Variants in RIF1 observed in about 807,000 individuals in gnomAD.
The protein encoded by RIF1 is replication timing regulatory factor 1, also known as telomere-associated protein RIF1.
RIF1 carries 45 observed loss-of-function variants against 247.1 expected under a neutral mutation model. The observed-to-expected ratio is 0.18, with a 90% CI of 0.14 to 0.23. The LOEUF is 0.23. RIF1 is among the 10% of genes least tolerant of loss of function. The probability of loss-of-function intolerance (pLI) is 1.00; values close to 1 mark genes in which losing one functional copy is unlikely to be tolerated. For synonymous variants in RIF1, 1,087 were observed against 978.8 expected (o/e 1.11, Z -2.06); for missense variants, 2,967 against 2,862.5 (o/e 1.04, Z -0.83).
chr2:151,456,153 T>C (rs566499083), intron 22 of RIF1, among the ~76,000 whole-genome samples: 6 of 152,356 alleles, frequency 3.9e-5, no homozygotes, highest in Non-Finnish European at 7.4e-5. Flanking sequence ...GAATATTCTT[T>C]ATAGCAAGCT....
At position 151,475,562 on chromosome 2, in the gene RIF1, AAG is replaced by A. The variant is rs1275845603; in HGVS notation, c.*493_*494del. 1 of 153,500 alleles carries A rather than the reference AAG, an allele frequency of 6.5e-6. No homozygotes were observed. Among genetic ancestry groups the A allele is most frequent in the Non-Finnish European group, 1.5e-5 (1 of 68,918 alleles). 9.5% of individuals were successfully genotyped at this position (153,500 alleles called of 1,614,324 possible). On this transcript the variant is annotated 3_prime_UTR_variant, in exon 36 of 36. Coordinates refer to ENST00000444746, the MANE Select transcript of RIF1 (RefSeq NM_018151.5). ...GTTAAAAACCTCAAATGAAATGCGA[AAG>A]AATTTGAATTTTTCCTGCATATGTC...
In RIF1 at chr2:151,465,078, A is replaced by G. The variant is rs777916816; in HGVS notation, c.5558A>G (p.Glu1853Gly). 1.9e-6 allele frequency: 3 copies of G among 1,601,582 alleles called. No homozygotes were observed. The highest frequency in any genetic ancestry group is 1.8e-5 in the Admixed American group (1 of 56,614). ...GAAGCAATGTCTCTTGAAAGCCAGGAGTCACCTAATGAAAATTTTAAAACT... is the reference window on the plus strand; with the variant it reads ...GAAGCAATGTCTCTTGAAAGCCAGGGGTCACCTAATGAAAATTTTAAAACT... ...SSEAMSLESQ[E>G]SPNENFKTVG... The change falls in exon 30 of 36, where the codon GAG becomes GGG. Residue 1853 changes from glutamate to glycine, a missense_variant. By Grantham distance (98) the Glu-to-Gly change is moderately conservative. Around this residue, in one of 7 missense-constraint regions of RIF1, gnomAD observed 2,028 missense variants for 1,825.6 expected, o/e 1.11. Transcript: ENST00000444746.
intron 20 of RIF1, 89 bp downstream of exon 20, chr2:151,446,664 A>G (rs1693322656): frequency 1.2e-5 from 15 of 1,216,854 alleles, no homozygotes; most frequent in Non-Finnish European, 1.7e-5. Context: ...ACTGTCACCT[A>G]TTACTGCCTC....
At chr2:151,451,138 A>T (rs1353372477) in intron 20 of RIF1, among the ~76,000 whole-genome samples, 2 of 152,192 alleles carry the variant, frequency 1.3e-5, no homozygotes, top group East Asian at 3.9e-4. Flanking sequence ...GCCTCATAAC[A>T]ATGTGTCAGT....
At chr2:151,438,184 G>A (rs1691596767) in intron 13 of RIF1, among the ~76,000 whole-genome samples, 1 of 152,132 alleles carries the variant, frequency 6.6e-6, no homozygotes, top group Non-Finnish European at 1.5e-5. Flanking sequence ...TTGTTTTAAG[G>A]AACACATTTA....
At chr2:151,446,735 C>T (rs897783869) in intron 20 of RIF1, among the ~76,000 whole-genome samples, 160 bp downstream of exon 20, 1 of 151,964 alleles carries the variant, frequency 6.6e-6, no homozygotes, top group Non-Finnish European at 1.5e-5. Flanking sequence ...AGTTTTGTGT[C>T]TTTGGGCTCT....
chr2:151,420,493 C>A (rs540531562), intron 7 of RIF1, 114 bp downstream of exon 7: 1 of 972,790 alleles, frequency 1.0e-6, no homozygotes, highest in Non-Finnish European at 1.5e-6. Flanking sequence ...AGTCCCAAAG[C>A]GGGAGGCTGA....
At chr2:151,473,906 A>C in intron 34 of RIF1, 58 bp from the exon 35 acceptor site, 1 of 872,312 alleles carries the variant, frequency 1.1e-6, no homozygotes, top group Non-Finnish European at 2.0e-6. Flanking sequence ...TTAAAAGTAA[A>C]GTTTCAATTT....
chr2:151,506,243 C>T, exon 13 of RIF1: 1 of 1,612,954 alleles, frequency 6.2e-7, no homozygotes, highest in Non-Finnish European at 8.5e-7. Context: ...GGTGAGACAT[C>T]CTCTTTATAT....
downstream of RIF1, among the ~76,000 whole-genome samples, chr2:151,509,860 G>A (rs888308327): frequency 6.6e-5 from 10 of 152,082 alleles, no homozygotes; most frequent in African/African-American, 1.7e-4. Context: ...CACCCACCTC[G>A]GTCTCCCAAA....
downstream of RIF1, among the ~76,000 whole-genome samples, chr2:151,484,296 T>C (rs889307948): frequency 2.0e-4 from 30 of 152,184 alleles, no homozygotes; most frequent in Non-Finnish European, 3.8e-4. Flanking sequence ...AATAGGAAAT[T>C]TAAAACTAAA....
intron 3 of RIF1, among the ~76,000 whole-genome samples, chr2:151,413,008 C>T (rs62169379): frequency 5.3e-5 from 8 of 150,366 alleles, no homozygotes; most frequent in South Asian, 4.2e-4. Context: ...CATGCACTTT[C>T]GTGTATTGAG....
chr2:151,511,712 G>A (rs574571582), downstream of RIF1, among the ~76,000 whole-genome samples: 5 of 152,294 alleles, frequency 3.3e-5, no homozygotes, highest in African/African-American at 1.2e-4. Flanking sequence ...CTATCCCAGG[G>A]TGTGAAGGAT....
At chr2:151,506,939 A>G in intron 13 of RIF1, 1 of 1,610,620 alleles carries the variant, frequency 6.2e-7, no homozygotes, top group Non-Finnish European at 8.5e-7. Context: ...TTTCTTTTAC[A>G]CGCAGTATTT....
At chr2:151,428,958 A>G in intron 9 of RIF1, 36 bp downstream of exon 9, 2 of 1,337,340 alleles carry the variant, frequency 1.5e-6, no homozygotes, top group Non-Finnish European at 2.1e-6. Context: ...TTTTCTGTGA[A>G]TTTGTTTTGC....
At chr2:151,493,985 C>A in intron 9 of RIF1, 1 of 908,404 alleles carries the variant, frequency 1.1e-6, no homozygotes, top group African/African-American at 1.7e-5. Context: ...GAACACCTCT[C>A]AAGAAGAAAG....
intron 11 of RIF1, chr2:151,502,916 A>G (rs1247455702): frequency 7.4e-7 from 1 of 1,343,256 alleles, no homozygotes; most frequent in Non-Finnish European, 1.1e-6. Context: ...CCCAGAGGAC[A>G]TTTAAAACAG....
At chr2:151,513,464 GA>G in the RIF1 span, 1 of 733,674 alleles carries the variant, frequency 1.4e-6, no homozygotes, top group Non-Finnish European at 2.2e-6. Context: ...AGATGTTCAA[GA>G]ATGCCATTGT....
chr2:151,459,181 A>G (rs1185648059), intron 25 of RIF1, among the ~76,000 whole-genome samples: 1 of 152,164 alleles, frequency 6.6e-6, no homozygotes. Flanking sequence ...GTTGCTTTGG[A>G]AAAACTGGAA....
Sources: allele counts gnomAD v4.1 joint callset (sites outside exome capture counted in the v4.1 genomes callset), GRCh38; gene constraint gnomAD v4.1.1; regional missense constraint gnomAD v4.1.1; transcripts MANE v1.5; gene names NCBI Gene and HGNC (gene_info 2026-07-23, HGNC 2026-07-21).